The following PRKD3 variants were observed in gnomAD, a reference collection of about 807,000 sequenced individuals.
The protein encoded by PRKD3 is serine/threonine-protein kinase D3.
PRKD3 carries 47 observed loss-of-function variants against 99.2 expected under a neutral mutation model. The ratio of observed to expected loss-of-function variants is 0.47; its 90% confidence interval spans 0.38 to 0.60. The LOEUF (loss-of-function observed/expected upper bound fraction) is 0.60, where lower values mean the gene tolerates loss of function less well. PRKD3 is among the 20% of genes least tolerant of loss of function. The pLI is 0.00. For missense variants in PRKD3, 1,019 were observed against 1,088.4 expected (o/e 0.94, Z 0.90); for synonymous variants, 392 against 355.4 (o/e 1.10, Z -1.16).
rs1670523006 is a variant in PRKD3 at position 37,293,202 on chromosome 2, T to C, written c.358A>G (p.Asn120Asp). ...LLFRHDMNSE[N>D]ILQLITSADE... ...GCTGAGGTAATCAGCTGCAAAATGT[T>C]TTCTGAGTTCATGTCATGGCGAAAG... The change falls in exon 3 of 19, where the codon AAC becomes GAC. Residue 120 changes from asparagine (N) to aspartate (D), a missense_variant. Physicochemically the swap from Asn to Asp is conservative, Grantham distance 23 (BLOSUM62 1). This residue lies in a region of PRKD3 where 710 missense variants were observed against 692.7 expected (regional missense o/e 1.02). Transcript: ENST00000234179. 4.4e-6 allele frequency: 7 copies of C among 1,605,916 alleles called. No individual in the cohort carries two copies. Among genetic ancestry groups the C allele is most frequent in the African/African-American group, 1.3e-5 (1 of 74,830 alleles).
chr2:37,281,582 C>A (rs527404896), intron 7 of PRKD3, among the ~76,000 whole-genome samples: 28 of 152,124 alleles, frequency 1.8e-4, no homozygotes, highest in African/African-American at 6.0e-4. Context: ...GGAAACGGAC[C>A]CCCCTCACCA....
intron 5 of PRKD3, among the ~76,000 whole-genome samples, chr2:37,287,770 T>C (rs1670193265): frequency 6.6e-6 from 1 of 152,230 alleles, no homozygotes; most frequent in Admixed American, 6.5e-5. Context: ...AGTTTGATTA[T>C]TCCCTTCATA....
At chr2:37,322,286 T>TA (rs1167386667) in intron 1 of PRKD3, among the ~76,000 whole-genome samples, 1 of 152,222 alleles carries the variant, frequency 6.6e-6, no homozygotes, top group East Asian at 1.9e-4. Flanking sequence ...CGTTGGTTTT[T>TA]AAAAAAATCA....
chr2:37,292,911 G>T, intron 3 of PRKD3: 1 of 352,364 alleles, frequency 2.8e-6, no homozygotes. Context: ...TTCCCAAAGT[G>T]CTGGGCTTAC....
intron 6 of PRKD3, among the ~76,000 whole-genome samples, chr2:37,284,384 G>C (rs1359224691): frequency 1.3e-5 from 2 of 152,104 alleles, no homozygotes; most frequent in African/African-American, 2.4e-5. Flanking sequence ...TCCAGTAGCA[G>C]AATTAACAGG....
At chr2:37,282,517 C>T (rs753226159) in intron 7 of PRKD3, 25 bp downstream of exon 7, 1 of 1,465,538 alleles carries the variant, frequency 6.8e-7, no homozygotes, top group Non-Finnish European at 9.5e-7. Flanking sequence ...TGATCTTTCA[C>T]AAAAATTAAG....
At chr2:37,299,075 T>C (rs1670798560) in intron 2 of PRKD3, among the ~76,000 whole-genome samples, 1 of 152,224 alleles carries the variant, frequency 6.6e-6, no homozygotes, top group South Asian at 2.1e-4. Context: ...ATATGGCCCT[T>C]ACTGTCTTGA....
chr2:37,312,043 T>G (rs540610085), intron 2 of PRKD3, among the ~76,000 whole-genome samples: 1 of 152,324 alleles, frequency 6.6e-6, no homozygotes, highest in African/African-American at 2.4e-5. Flanking sequence ...TGTAAAAGAT[T>G]TTTTAAAACT....
chr2:37,276,568 G>A lies in PRKD3; in HGVS notation c.1297-724C>T, dbSNP rs116113422. ...TTCACATCTTATGGAATTAACCCTT[G>A]TTTAGAATGAGCTGAAAATATTTTT... On this transcript the variant is annotated intron_variant, in intron 9 of 18. Transcript: ENST00000234179. 6.9e-3 allele frequency among the ~76,000 whole-genome samples: 1,046 copies of A among 151,988 alleles called. 8 individuals are homozygous for A. Among genetic ancestry groups the A allele is most frequent in the African/African-American group, 0.024 (988 of 41,484 alleles).
intron 11 of PRKD3, among the ~76,000 whole-genome samples, chr2:37,273,127 A>G (rs1292321593): frequency 6.6e-6 from 1 of 152,144 alleles, no homozygotes; most frequent in Non-Finnish European, 1.5e-5. Context: ...AATTGCTTGC[A>G]TTTTTATAAT....
At chr2:37,258,058 C>G (rs1288892193) in intron 16 of PRKD3, among the ~76,000 whole-genome samples, 1 of 152,192 alleles carries the variant, frequency 6.6e-6, no homozygotes, top group Non-Finnish European at 1.5e-5. Flanking sequence ...TTAATGACCA[C>G]ATCCATGCTG....
At chr2:37,285,107 C>T (rs914629146) in intron 6 of PRKD3, among the ~76,000 whole-genome samples, 8 of 150,836 alleles carry the variant, frequency 5.3e-5, no homozygotes, top group Admixed American at 2.7e-4. Flanking sequence ...AAGTACAATA[C>T]CAAGAACTGC....
rs150566927 is a variant in PRKD3, at chr2:37,255,947, G to A, written c.2413+715C>T. Among the ~76,000 whole-genome samples, 261 of 152,282 alleles carry A rather than the reference G, an allele frequency of 1.7e-3. 1 individual carries two copies. Among genetic ancestry groups the A allele is most frequent in the African/African-American group, 6.1e-3 (253 of 41,558 alleles). ...GAGGATCACTTGAGCCCAGGAAGTC[G>A]AGGCTGCAGTGAGCTGTGTTTGTGC... is the stretch of plus-strand genomic sequence containing the variant. On this transcript the variant is annotated intron_variant, in intron 17 of 18. Transcript: ENST00000234179.
At chr2:37,318,728 C>G (rs1027783223) in intron 1 of PRKD3, among the ~76,000 whole-genome samples, 2 of 152,246 alleles carry the variant, frequency 1.3e-5, no homozygotes, top group South Asian at 2.1e-4. Flanking sequence ...GTCTCTGGGT[C>G]CAGATGCAGT....
Position 37,272,316 on chromosome 2 carries a change from T to A in PRKD3, c.1704+64A>T, listed in dbSNP as rs1160881751. The A allele has an allele frequency of 3.7e-5, 59 of 1,576,364 alleles. 1 individual carries two copies. The highest frequency in any genetic ancestry group is 5.0e-5 in the Non-Finnish European group (58 of 1,165,024). ...ATGAACCAATTTCTCTAATAAAGAT[T>A]TTCACCTTTTATTTTCCTTATTTTA... On this transcript the variant is annotated intron_variant, in intron 12 of 18. Transcript: ENST00000234179.
chr2:37,295,149 T>G (rs1378271658), intron 2 of PRKD3, among the ~76,000 whole-genome samples: 1 of 150,636 alleles, frequency 6.6e-6, no homozygotes. Flanking sequence ...GCATACTTCT[T>G]GCATGTCCGG....
intron 2 of PRKD3, among the ~76,000 whole-genome samples, chr2:37,297,749 G>T (rs184342965): frequency 2.8e-4 from 43 of 152,258 alleles, no homozygotes; most frequent in Non-Finnish European, 4.7e-4. Flanking sequence ...CTGGGGTAAT[G>T]GGTTTTGGGG....
intron 14 of PRKD3, among the ~76,000 whole-genome samples, chr2:37,266,676 T>TG (rs889795630): frequency 5.9e-5 from 9 of 152,068 alleles, no homozygotes; most frequent in East Asian, 1.9e-4. Flanking sequence ...TTAGTAGAGA[T>TG]GGGGTCTCAC....
intron 2 of PRKD3, among the ~76,000 whole-genome samples, chr2:37,313,871 T>G (rs1671550162): frequency 6.6e-6 from 1 of 152,182 alleles, no homozygotes; most frequent in African/African-American, 2.4e-5. Flanking sequence ...CTTAATATTT[T>G]CAACTTGCCA....
Sources: gnomAD v4.1 joint callset for allele counts (sites outside exome capture counted in the v4.1 genomes callset) on GRCh38, gnomAD v4.1.1 for gene constraint, gnomAD v4.1.1 regional missense constraint, MANE v1.5 for transcripts, NCBI Gene and HGNC (gene_info 2026-07-23, HGNC 2026-07-21) for gene names.